BDP1: variants seen among roughly 807,000 people sequenced by gnomAD.
BDP1 encodes the protein transcription factor TFIIIB component B'' homolog.
Under a neutral mutation model 266.6 loss-of-function variants are expected in BDP1, and 169 were observed. The ratio of observed to expected loss-of-function variants is 0.63; its 90% CI spans 0.56 to 0.72. BDP1 has a LOEUF of 0.72. Ranked by LOEUF, BDP1 falls within the 30% of genes least tolerant of loss-of-function variation. BDP1 has a pLI of 0.00. For missense variants in BDP1, 3,015 were observed against 3,053.8 expected, an observed-to-expected ratio of 0.99 and a Z score of 0.30; for synonymous variants, 1,090 against 1,022.4, an observed-to-expected ratio of 1.07 and a Z score of -1.26.
At chr5:71,522,225 C>T in intron 22 of BDP1, 64 bp from the exon 23 acceptor site, 3 of 1,287,064 alleles carry the variant, frequency 2.3e-6, no homozygotes, top group South Asian at 2.6e-5. Context: ...TTTGATGTAA[C>T]AGCTGTTATA....
In BDP1 at chr5:71,553,405, A is replaced by T. The variant is rs7729762; in HGVS notation, c.7200+85A>T. On this transcript the variant is annotated intron_variant, in intron 35 of 38. Coordinates refer to ENST00000358731, the MANE Select transcript of BDP1 (RefSeq NM_018429.3). ...CAGATCTGTTCCTATTTTTTCCTTTATTCTCTTTAAACTTTTAGATATATA... is the reference window on the plus strand; with the variant it reads ...CAGATCTGTTCCTATTTTTTCCTTTTTTCTCTTTAAACTTTTAGATATATA... 5.1e-3 allele frequency: 4,518 copies of T among 889,528 alleles called. 83 individuals carry two copies. In the African/African-American group the frequency reaches 0.052, roughly 10 times the overall value. The allele number at this position is 889,528 out of a possible 1,614,324, so 55.1% of individuals were successfully genotyped here. A position where few individuals can be genotyped will look rare whatever the true frequency, so the allele number is the denominator to read the frequency against.
chr5:71,554,418 G>A (rs1468013771), intron 35 of BDP1, among the ~76,000 whole-genome samples: 1 of 151,984 alleles, frequency 6.6e-6, no homozygotes, highest in Non-Finnish European at 1.5e-5. Flanking sequence ...TGCTTTCTTT[G>A]TTGTTGTTTT....
In BDP1 at chr5:71,522,919, T is replaced by C. The variant is rs770510735; in HGVS notation, c.5357T>C (p.Val1786Ala). 14 of 1,602,320 alleles carry C rather than the reference T, an allele frequency of 8.7e-6. No homozygotes were observed. Among genetic ancestry groups the C allele is most frequent in the African/African-American group, 4.0e-5 (3 of 74,396 alleles). The change falls in exon 24 of 39, where the codon GTT becomes GCT. Residue 1786 changes from valine (V) to alanine (A), a missense_variant. Around this residue, in one of 3 missense-constraint regions of BDP1, gnomAD observed 2,383 missense variants for 2,404.9 expected, o/e 0.99. Transcript: ENST00000358731. ...TVGDNSPSSV[V>A]EEQYLNKLTS... is the part of the protein sequence containing the mutation. ...GGAGATAATTCACCATCTTCAGTTG[T>C]TGAAGAGCAATATCTCAATAAACTA...
intron 18 of BDP1, 40 bp from the exon 19 acceptor site, chr5:71,513,145 T>G (rs1418994787): frequency 1.4e-6 from 2 of 1,465,918 alleles, no homozygotes; most frequent in East Asian, 4.5e-5. Flanking sequence ...CCACTGCCCC[T>G]TCAGTTCATT....
intron 1 of BDP1, among the ~76,000 whole-genome samples, chr5:71,458,322 A>T (rs1053924596): frequency 6.6e-6 from 1 of 152,106 alleles, no homozygotes; most frequent in African/African-American, 2.4e-5. Context: ...GGGTAAGCCT[A>T]TAATTATGTG....
At chr5:71,468,294 C>T (rs1342444077) in intron 6 of BDP1, among the ~76,000 whole-genome samples, 5 of 152,084 alleles carry the variant, frequency 3.3e-5, no homozygotes, top group East Asian at 3.9e-4. Flanking sequence ...GCTGGGATTA[C>T]AGGCATGAGC....
chr5:71,467,675 A>C (rs1761988213), intron 6 of BDP1, among the ~76,000 whole-genome samples, 188 bp downstream of exon 6: 4 of 152,118 alleles, frequency 2.6e-5, no homozygotes, highest in Admixed American at 2.6e-4. Flanking sequence ...ACAAATCTTC[A>C]AAAAAATTTT....
chr5:71,560,254 T>G lies in BDP1; in HGVS notation c.7496+17T>G. On this transcript the variant is annotated intron_variant, in intron 37 of 38. Coordinates refer to ENST00000358731, the MANE Select transcript of BDP1 (RefSeq NM_018429.3). ...ACTATCCAGGTATCATGAACAAATC[T>G]TTAATAAGTGTTTTGCTCTCTGTCT... 6.2e-7 allele frequency: 1 copy of G among 1,610,686 alleles called. No homozygotes were observed. Among genetic ancestry groups the G allele is most frequent in the Non-Finnish European group, 8.5e-7 (1 of 1,178,424 alleles).
rs1435910828 is a variant in BDP1, at chr5:71,560,084, G to T, written c.7343G>T (p.Gly2448Val). ...QQVEAAFQSRGSRSPDACMDK... is the reference protein window; with the variant it reads ...QQVEAAFQSRVSRSPDACMDK... The stretch of plus-strand genomic sequence containing the variant: ...GTTGAAGCAGCTTTTCAGAGTAGAG[G>T]ATCTAGATCTCCTGATGCATGCATG... The change falls in exon 37 of 39, where the codon GGA becomes GTA. Residue 2448 changes from glycine to valine, a missense_variant. Around this residue, in one of 3 missense-constraint regions of BDP1, gnomAD observed 629 missense variants for 632.5 expected, o/e 0.99. Transcript: ENST00000358731. 1.2e-6 allele frequency: 2 copies of T among 1,613,932 alleles called. No homozygotes were observed. Among genetic ancestry groups the T allele is most frequent in the African/African-American group, 2.7e-5 (2 of 74,906 alleles).
chr5:71,514,923 A>G, intron 19 of BDP1, 21 bp from the exon 20 acceptor site: 1 of 1,560,484 alleles, frequency 6.4e-7, no homozygotes, highest in East Asian at 2.3e-5. Flanking sequence ...CTGTGAATGA[A>G]ATTTTTTTTC....
intron 9 of BDP1, among the ~76,000 whole-genome samples, chr5:71,488,649 G>A (rs1440631269): frequency 6.6e-6 from 1 of 151,372 alleles, no homozygotes; most frequent in Non-Finnish European, 1.5e-5. Flanking sequence ...GCCTGGTCTT[G>A]AGCTCCTGAC....
At chr5:71,467,508 A>C in intron 6 of BDP1, 21 bp downstream of exon 6, 1 of 1,544,768 alleles carries the variant, frequency 6.5e-7, no homozygotes, top group Admixed American at 1.8e-5. Context: ...TTCATTTAAA[A>C]ATGTGTAAGT....
At chr5:71,572,507 C>A (rs151056681), downstream of BDP1, among the ~76,000 whole-genome samples, 4 of 152,184 alleles carry the variant, frequency 2.6e-5, no homozygotes, top group East Asian at 7.7e-4. Context: ...AAGGTCAGTG[C>A]CCTAAAAAGG....
At chr5:71,550,324 T>G (rs189585632) in intron 34 of BDP1, among the ~76,000 whole-genome samples, 2 of 151,890 alleles carry the variant, frequency 1.3e-5, no homozygotes, top group Admixed American at 1.3e-4. Flanking sequence ...AGGTGGAAGT[T>G]GCAGTGAGCT....
At chr5:71,506,059 A>G (rs1356210238) in intron 16 of BDP1, among the ~76,000 whole-genome samples, 2 of 152,240 alleles carry the variant, frequency 1.3e-5, no homozygotes, top group South Asian at 2.1e-4. Context: ...TTGTATGACT[A>G]CATTGCTTGC....
downstream of BDP1, among the ~76,000 whole-genome samples, chr5:71,572,271 T>C (rs1744290557): frequency 1.3e-5 from 2 of 152,186 alleles, no homozygotes; most frequent in Admixed American, 1.3e-4. Context: ...ACATATTCTT[T>C]TGTCTCTTGT....
downstream of BDP1, among the ~76,000 whole-genome samples, chr5:71,572,021 C>T (rs1009781863): frequency 2.0e-5 from 3 of 152,154 alleles, no homozygotes; most frequent in Non-Finnish European, 4.4e-5. Flanking sequence ...CTGTGCCTGC[C>T]CCAGAAAGTT....
chr5:71,470,599 T>TTTTC, intron 7 of BDP1, 110 bp downstream of exon 7: 1 of 756,590 alleles, frequency 1.3e-6, no homozygotes, highest in Non-Finnish European at 2.1e-6. Flanking sequence ...TTTTTTTTTT[T>TTTTC]TTTCATTGAG....
At chr5:71,576,283 G>A in the BDP1 span, among the ~76,000 whole-genome samples, 1 of 152,086 alleles carries the variant, frequency 6.6e-6, no homozygotes. Flanking sequence ...AAGGAGCATG[G>A]GCTCCAGGAC....
Sources: allele counts gnomAD v4.1 joint callset (sites outside exome capture counted in the v4.1 genomes callset), GRCh38; gene constraint gnomAD v4.1.1; regional missense constraint gnomAD v4.1.1; transcripts MANE v1.5; gene names NCBI Gene and HGNC (gene_info 2026-07-23, HGNC 2026-07-21).